The following SEC16A variants were observed in gnomAD, a reference collection of about 807,000 sequenced individuals.
The protein encoded by SEC16A is protein transport protein Sec16A.
Under a neutral mutation model 221.9 loss-of-function variants are expected in SEC16A, and 110 were observed. The ratio of observed to expected loss-of-function variants is 0.50; its 90% confidence interval spans 0.42 to 0.58. The LOEUF is 0.58. Among genes scored for constraint, SEC16A ranks in the 20% least tolerant of loss-of-function variants. The pLI, the probability that SEC16A is intolerant of heterozygous loss-of-function variation, is 0.00. For missense variants in SEC16A, 3,165 were observed against 3,097.8 expected, an observed-to-expected ratio of 1.02 and a Z score of -0.52; for synonymous variants, 1,393 against 1,257.7, an observed-to-expected ratio of 1.11 and a Z score of -2.28.
chr9:136,455,848 C>G lies in SEC16A; in HGVS notation c.5665-55G>C. 2.7e-6 allele frequency: 4 copies of G among 1,484,690 alleles called. No individual in the cohort carries two copies. The Middle Eastern group carries it at 5.3e-4, about 196-fold the overall frequency. 92.0% of individuals were successfully genotyped at this position (1,484,690 alleles called of 1,614,324 possible). A position where few individuals can be genotyped will look rare whatever the true frequency, so the allele number is the denominator to read the frequency against. On this transcript the variant is annotated intron_variant, in intron 19 of 31. Coordinates refer to ENST00000684901, the MANE Select transcript of SEC16A (RefSeq NM_014866.2). ...AGCCGCCTGTGGCCGCTCTGCAGCG[C>G]TGCCCGCCTGCCACCACCGCGCTTG...
chr9:136,444,135 T>C lies in SEC16A; in HGVS notation c.6928-235A>G, dbSNP rs1418669198. On this transcript the variant is annotated intron_variant, in intron 30 of 31. Coordinates refer to ENST00000684901, the MANE Select transcript of SEC16A (RefSeq NM_014866.2). ...ATGTTTTAAGCACCGGAACATGCAA[T>C]GGGAAGGTGCACACAGCACTGAGGT... is the stretch of plus-strand genomic sequence containing the variant. 5 of 408,790 alleles carry C rather than the reference T, an allele frequency of 1.2e-5. No homozygotes were observed. The East Asian group carries it at 2.0e-4, about 16-fold the overall frequency. The allele number at this position is 408,790 out of a possible 1,614,324, so 25.3% of individuals were successfully genotyped here. A position where few individuals can be genotyped will look rare whatever the true frequency, so the allele number is the denominator to read the frequency against.
intron 2 of SEC16A, among the ~76,000 whole-genome samples, chr9:136,478,402 C>CAAAA (rs34093106): frequency 9.9e-4 from 94 of 95,200 alleles, no homozygotes; most frequent in East Asian, 7.8e-3. Flanking sequence ...GTCCCTAGCT[C>CAAAA]AAAAAAAAAA....
At position 136,471,989 on chromosome 9, in the gene SEC16A, T is replaced by A. The variant is rs1428026382; in HGVS notation, c.3690A>T (p.Glu1230Asp). Residue 1230 changes from glutamate to aspartate, a missense_variant, in exon 4 of 32, where the codon GAA (glutamate) becomes GAT (aspartate). Around this residue, in one of 3 missense-constraint regions of SEC16A, gnomAD observed 2,030 missense variants for 1,923.1 expected, o/e 1.06. Transcript: ENST00000684901. ...RPSSRASHSSERPPPRQGYPE... is the reference protein window; with the variant it reads ...RPSSRASHSSDRPPPRQGYPE... ...CGCGGCCGCACCTGGGAGGTGGCCG[T>A]TCCGAGGAGTGGCTGGCTCGGGAGC... 1.2e-6 allele frequency: 2 copies of A among 1,612,124 alleles called. No individual in the cohort carries two copies. The highest frequency in any genetic ancestry group is 2.7e-5 in the African/African-American group (2 of 74,932).
At position 136,459,713 on chromosome 9, in the gene SEC16A, G is replaced by C. The variant is rs374939220; in HGVS notation, c.5191+44C>G. The C allele has an allele frequency of 6.7e-7, 1 of 1,499,966 alleles. No homozygotes were observed. The highest frequency in any genetic ancestry group is 9.1e-7 in the Non-Finnish European group (1 of 1,097,670). The allele number at this position is 1,499,966 out of a possible 1,614,324, so 92.9% of individuals were successfully genotyped here. On this transcript the variant is annotated intron_variant, in intron 15 of 31. Coordinates refer to ENST00000684901, the MANE Select transcript of SEC16A (RefSeq NM_014866.2). The surrounding 1 kb of genome is among the most constrained non-coding windows in gnomAD (Gnocchi z 6.1). ...CGCCACAGACAACCGGGCCTTCGGC[G>C]CTCCATCCGCGACACCCAATGCCCA...
intron 23 of SEC16A, 164 bp from the exon 24 acceptor site, chr9:136,448,325 C>T (rs1363907323): frequency 4.2e-6 from 3 of 722,826 alleles, no homozygotes; most frequent in Admixed American, 2.0e-5. Context: ...CACAGAGACA[C>T]CAGGAGGATG....
chr9:136,476,565 G>A lies in SEC16A; in HGVS notation c.1051C>T (p.Leu351=), dbSNP rs1169071054. ...DSPENRTHHP[L]GAGAGSGCAP... ...CAGCCAGACCCGGCCCCAGCCCCCA[G>A]TGGGTGGTGCGTACGGTTTTCTGGG... Residue 351 remains leucine (L), a synonymous_variant, in exon 3 of 32, where the codon CTG becomes TTG. Coordinates refer to ENST00000684901, the MANE Select transcript of SEC16A (RefSeq NM_014866.2). 2 of 1,610,686 alleles carry A rather than the reference G, an allele frequency of 1.2e-6. No individual in the cohort carries two copies. The highest frequency in any genetic ancestry group is 8.5e-7 in the Non-Finnish European group (1 of 1,177,708).
chr9:136,447,439 G>C lies in SEC16A; in HGVS notation c.6560-75C>G. On this transcript the variant is annotated intron_variant, in intron 26 of 31. Coordinates refer to ENST00000684901, the MANE Select transcript of SEC16A (RefSeq NM_014866.2). The surrounding 1 kb of genome is among the most constrained non-coding windows in gnomAD (Gnocchi z 5.5). ...AGCTTCCAAATGCTCTGCGCTCACT[G>C]CGTCAGAGGAAAAGCACGCAGGGAC... 6.4e-7 allele frequency: 1 copy of C among 1,572,036 alleles called. No homozygotes were observed. Among genetic ancestry groups the C allele is most frequent in the African/African-American group, 1.3e-5 (1 of 74,286 alleles).
chr9:136,483,194 GT>G (rs1353069683), upstream of SEC16A: 1 of 175,682 alleles, frequency 5.7e-6, no homozygotes, highest in Non-Finnish European at 8.8e-6. Context: ...CCTCGCCGGC[GT>G]CCGTCCTCCC....
chr9:136,445,338 GC>G (rs1406084924), intron 29 of SEC16A, among the ~76,000 whole-genome samples: 1 of 152,188 alleles, frequency 6.6e-6, no homozygotes, highest in Non-Finnish European at 1.5e-5. Context: ...GAAAAGTCCA[GC>G]CTCGGCCTAA....
chr9:136,474,302 A>G lies in SEC16A; in HGVS notation c.3314T>C (p.Leu1105Pro), dbSNP rs2132843762. ...NSAQSPASLVLVDAGQQLPPR... is the reference protein window; with the variant it reads ...NSAQSPASLVPVDAGQQLPPR... ...GGGCAGCTGCTGACCCGCGTCGACC[A>G]GAACCAGACTTGCTGGTGACTGTGC... The change falls in exon 3 of 32, where the codon CTG (leucine) becomes CCG (proline). Residue 1105 changes from leucine to proline, a missense_variant. Leu to Pro is a moderately conservative substitution (Grantham distance 98, BLOSUM62 -3). Transcript: ENST00000684901. 1.2e-6 allele frequency: 2 copies of G among 1,610,840 alleles called. No homozygotes were observed. The highest frequency in any genetic ancestry group is 2.2e-5 in the South Asian group (2 of 90,754).
chr9:136,445,647 C>G lies in SEC16A; in HGVS notation c.6865G>C (p.Glu2289Gln). ...GCCCTGGCGTCGGCACTCCTTACCTCTCCTCCCTGGGAACCCTCAGGCCTG... is the reference window on the plus strand; with the variant it reads ...GCCCTGGCGTCGGCACTCCTTACCTGTCCTCCCTGGGAACCCTCAGGCCTG... ...SSRPEGSQGG[E>Q]LSRCSSMSSL... is the part of the protein sequence containing the mutation. The change falls in exon 29 of 32, where the codon GAG (glutamate) becomes CAG (glutamine). Residue 2289 changes from glutamate to glutamine, a missense_variant and splice_region_variant. Glu to Gln is a conservative substitution (Grantham distance 29). Transcript: ENST00000684901. 3.2e-6 allele frequency: 5 copies of G among 1,550,428 alleles called. No individual in the cohort carries two copies. The highest frequency in any genetic ancestry group is 4.4e-6 in the Non-Finnish European group (5 of 1,146,732).
intron 12 of SEC16A, 99 bp downstream of exon 12, chr9:136,462,788 C>T (rs371475950): frequency 1.2e-5 from 17 of 1,419,402 alleles, no homozygotes; most frequent in East Asian, 2.4e-5. Flanking sequence ...CGGATGCTCC[C>T]AAGAGGGGGC....
rs185542947 is a variant in SEC16A at position 136,466,086 on chromosome 9, C to T, written c.4179G>A (p.Pro1393=). ...HNVAAGSYEA[P]LPPGSFHGDF... ...CGCCGTGAAAGGAGCCTGGAGGAAGCGGGGCCTCGTAGGAACCGGCAGCCA... is the reference window on the plus strand; with the variant it reads ...CGCCGTGAAAGGAGCCTGGAGGAAGTGGGGCCTCGTAGGAACCGGCAGCCA... Residue 1393 remains proline, a synonymous_variant, in exon 8 of 32, where the codon CCG becomes CCA. Coordinates refer to ENST00000684901, the MANE Select transcript of SEC16A (RefSeq NM_014866.2). The surrounding 1 kb of genome is among the most constrained non-coding windows in gnomAD (Gnocchi z 5.5). 230 of 1,610,670 alleles carry T rather than the reference C, an allele frequency of 1.4e-4. 1 individual carries two copies. The African/African-American group carries it at 2.4e-3, about 17-fold the overall frequency.
rs748061636 is a variant in SEC16A at position 136,476,259 on chromosome 9, C to T, written c.1357G>A (p.Gly453Ser). 2.4e-5 allele frequency: 39 copies of T among 1,613,330 alleles called. 1 individual carries two copies. In the Middle Eastern group the frequency reaches 6.6e-4, roughly 27 times the overall value. The stretch of plus-strand genomic sequence containing the variant: ...TTCTCAACATTCTCATACTGCGAGC[C>T]GCTGGCATCCGGCACCCCTGTGCTC... ...TASTGVPDAS[G>S]SQYENVENLE... Residue 453 changes from glycine to serine, a missense_variant, in exon 3 of 32, where the codon GGC (glycine) becomes AGC (serine). Physicochemically the swap from Gly to Ser is moderately conservative, Grantham distance 56. Coordinates refer to ENST00000684901, the MANE Select transcript of SEC16A (RefSeq NM_014866.2).
rs762455146 is a variant in SEC16A at position 136,447,564 on chromosome 9, C to T, written c.6559+5G>A. 1 of 1,609,554 alleles carries T rather than the reference C, an allele frequency of 6.2e-7. No homozygotes were observed. Among genetic ancestry groups the T allele is most frequent in the East Asian group, 2.2e-5 (1 of 44,868 alleles). ...AGCAAGCTCCCACTCCAAGGCCACC[C>T]TTACCTGCTCTTCTAGAGTACATGT... On this transcript the variant is annotated splice_donor_5th_base_variant and intron_variant, in intron 26 of 31. Coordinates refer to ENST00000684901, the MANE Select transcript of SEC16A (RefSeq NM_014866.2). This position sits in a 1 kb window ranked among gnomAD's most constrained non-coding sequence, Gnocchi z 5.5.
In SEC16A at chr9:136,475,185, A is replaced by G. The variant is rs777080815; in HGVS notation, c.2431T>C (p.Tyr811His). The change falls in exon 3 of 32, where the codon TAT (tyrosine) becomes CAT (histidine). Residue 811 changes from tyrosine (Y) to histidine (H), a missense_variant. By Grantham distance (83) the Tyr-to-His change is moderately conservative. Transcript: ENST00000684901. This position sits in a 1 kb window ranked among gnomAD's most constrained non-coding sequence, Gnocchi z 5.0. Reference protein sequence around the residue: ...EALQSQASSGYASLLSSPPTE... With the variant: ...EALQSQASSGHASLLSSPPTE... ...GGCGGTGAGGATAATAAACTTGCAT[A>G]ACCAGAACTCGCCTGGGACTGAAGG... 1.9e-6 allele frequency: 3 copies of G among 1,613,692 alleles called. No homozygotes were observed. The highest frequency in any genetic ancestry group is 2.5e-6 in the Non-Finnish European group (3 of 1,179,862).
rs925561278 is a variant in SEC16A at position 136,447,506 on chromosome 9, T to C, written c.6559+63A>G. The stretch of plus-strand genomic sequence containing the variant: ...CCTCCCCACGCACAACAGCTACACA[T>C]TGGCCTCTCTCTCTGGGACAGTTAA... On this transcript the variant is annotated intron_variant, in intron 26 of 31. Coordinates refer to ENST00000684901, the MANE Select transcript of SEC16A (RefSeq NM_014866.2). The surrounding 1 kb of genome is among the most constrained non-coding windows in gnomAD (Gnocchi z 5.5). The C allele has an allele frequency of 1.3e-6, 2 of 1,539,382 alleles. No homozygotes were observed. Among genetic ancestry groups the C allele is most frequent in the African/African-American group, 1.4e-5 (1 of 73,740 alleles).
Position 136,455,818 on chromosome 9 carries a change from G to C in SEC16A, c.5665-25C>G, listed in dbSNP as rs1267964996. ...CCTGAGGGAGAACAAGACCTGCCCTGTGGAAGCCGCCTGTGGCCGCTCTGC... is the reference window on the plus strand; with the variant it reads ...CCTGAGGGAGAACAAGACCTGCCCTCTGGAAGCCGCCTGTGGCCGCTCTGC... On this transcript the variant is annotated intron_variant, in intron 19 of 31. Transcript: ENST00000684901. 4 of 1,566,134 alleles carry C rather than the reference G, an allele frequency of 2.6e-6. No homozygotes were observed. In the South Asian group the frequency reaches 4.7e-5, roughly 18 times the overall value.
rs1325805787 is a variant in SEC16A, at chr9:136,447,367, G to A, written c.6560-3C>T. The A allele has an allele frequency of 2.5e-6, 4 of 1,598,080 alleles. No homozygotes were observed. Among genetic ancestry groups the A allele is most frequent in the Non-Finnish European group, 3.4e-6 (4 of 1,172,908 alleles). ...AACGTAGCGAGCTCTGGTTCCTGCT[G>A]CAAAGGGGAGGGAAGCAAATTGAGG... On this transcript the variant is annotated splice_polypyrimidine_tract_variant and splice_region_variant and intron_variant, in intron 26 of 31. Coordinates refer to ENST00000684901, the MANE Select transcript of SEC16A (RefSeq NM_014866.2). This position sits in a 1 kb window ranked among gnomAD's most constrained non-coding sequence, Gnocchi z 5.5.
Sources: gnomAD v4.1 joint callset for allele counts (sites outside exome capture counted in the v4.1 genomes callset) on GRCh38, gnomAD v4.1.1 for gene constraint, gnomAD v4.1.1 regional missense constraint, Gnocchi (gnomAD v3.1) non-coding constraint, MANE v1.5 for transcripts, NCBI Gene and HGNC (gene_info 2026-07-23, HGNC 2026-07-21) for gene names.